Variants in SCAF4 observed in about 807,000 individuals in gnomAD.
The protein encoded by SCAF4 is SR-related CTD associated factor 4.
In SCAF4, 25 loss-of-function variants were observed where a neutral mutation model predicts 129.8. That is an observed-to-expected ratio of 0.19 (90% confidence interval 0.14 to 0.27). The LOEUF (loss-of-function observed/expected upper bound fraction) is 0.27, where lower values mean the gene tolerates loss of function less well. Among genes scored for constraint, SCAF4 ranks in the 10% least tolerant of loss-of-function variants. The probability of loss-of-function intolerance (pLI) is 1.00; values close to 1 mark genes in which losing one functional copy is unlikely to be tolerated. For missense variants in SCAF4, 1,246 were observed against 1,457.1 expected, an observed-to-expected ratio of 0.86 and a Z score of 2.36; for synonymous variants, 551 against 497.7, an observed-to-expected ratio of 1.11 and a Z score of -1.43.
rs778166797 is a variant in SCAF4, at chr21:31,688,270, G to A, written c.2043+37C>T. 1.9e-5 allele frequency: 31 copies of A among 1,592,638 alleles called. No individual in the cohort carries two copies. The Admixed American group carries it at 5.2e-4, about 27-fold the overall frequency. ...GTAAGATTTAGAAAGGGACCTTTCA[G>A]GCACTTAAAGTTTAAGTCATGTCCC... On this transcript the variant is annotated intron_variant, in intron 16 of 19. Coordinates refer to ENST00000286835, the MANE Select transcript of SCAF4 (RefSeq NM_020706.2).
intron 4 of SCAF4, among the ~76,000 whole-genome samples, chr21:31,702,827 T>C (rs2050566623): frequency 6.6e-6 from 1 of 152,182 alleles, no homozygotes; most frequent in African/African-American, 2.4e-5. Flanking sequence ...ATGTTATTCA[T>C]GGGCACAACT....
At chr21:31,697,264 A>G (rs2050410722) in intron 7 of SCAF4, among the ~76,000 whole-genome samples, 1 of 152,230 alleles carries the variant, frequency 6.6e-6, no homozygotes, top group Admixed American at 6.5e-5. Flanking sequence ...AGCAGTTCCT[A>G]AGAGGTTCGC....
In SCAF4 at chr21:31,685,674, C is replaced by T. The variant is rs1322945067; in HGVS notation, c.2103G>A (p.Thr701=). ...VVGALQPPAF[T]PPLGIPPPGF... ...CTGGAGGCGGTATTCCCAGAGGAGG[C>T]GTGAAAGCAGGCGGCTGGAGAGCAC... Residue 701 remains threonine (T), a synonymous_variant, in exon 17 of 20, where the codon ACG becomes ACA. Coordinates refer to ENST00000286835, the MANE Select transcript of SCAF4 (RefSeq NM_020706.2). The T allele has an allele frequency of 6.8e-6, 11 of 1,612,852 alleles. No individual in the cohort carries two copies. Among genetic ancestry groups the T allele is most frequent in the South Asian group, 3.3e-5 (3 of 90,926 alleles).
In SCAF4 at chr21:31,726,049, C is replaced by CT. The variant is rs899443141; in HGVS notation, c.30+5613dup. On this transcript the variant is annotated intron_variant, in intron 1 of 19. Transcript: ENST00000286835. Reference sequence around the variant, plus strand: ...TACAAAAGCTCTCTGTGGCCCTTAACTTTTTTTTTTTTTTGAGATAGAGTC... The same window carrying CT: ...TACAAAAGCTCTCTGTGGCCCTTAACTTTTTTTTTTTTTTTGAGATAGAGTC... Among the ~76,000 whole-genome samples, 633 of 142,334 alleles carry CT rather than the reference C, an allele frequency of 4.4e-3. 2 individuals are homozygous for CT. The highest frequency in any genetic ancestry group is 0.01 in the African/African-American group (396 of 39,148). 93.4% of individuals were successfully genotyped at this position (142,334 alleles called of 152,430 possible). A position where few individuals can be genotyped will look rare whatever the true frequency, so the allele number is the denominator to read the frequency against.
chr21:31,681,377 T>G (rs541493953), intron 19 of SCAF4, among the ~76,000 whole-genome samples: 1 of 152,358 alleles, frequency 6.6e-6, no homozygotes, highest in East Asian at 1.9e-4. Flanking sequence ...TTTTTGTGTA[T>G]TCTTTTTTAT....
At chr21:31,728,031 C>G (rs942781810) in intron 1 of SCAF4, among the ~76,000 whole-genome samples, 18 of 152,134 alleles carry the variant, frequency 1.2e-4, no homozygotes, top group African/African-American at 4.1e-4. Context: ...TCCTTTCCTT[C>G]TGTATCAGAG....
At chr21:31,713,016 G>T in intron 1 of SCAF4, 2 of 212,212 alleles carry the variant, frequency 9.4e-6, no homozygotes, top group Non-Finnish European at 1.6e-5. Flanking sequence ...ACTGCTCATT[G>T]CTATATCTGT....
intron 1 of SCAF4, among the ~76,000 whole-genome samples, chr21:31,726,081 T>G (rs1176785161): frequency 6.6e-6 from 1 of 151,826 alleles, no homozygotes; most frequent in African/African-American, 2.4e-5. Context: ...AGTCTCGCTC[T>G]GTCGCCCAGG....
chr21:31,717,573 T>C (rs2050948486), intron 1 of SCAF4, among the ~76,000 whole-genome samples: 1 of 152,120 alleles, frequency 6.6e-6, no homozygotes, highest in Non-Finnish European at 1.5e-5. Context: ...TAAAGAAATA[T>C]GGTTATACAG....
Position 31,731,718 on chromosome 21 carries a change from C to A in SCAF4, c.-26G>T. On this transcript the variant is annotated 5_prime_UTR_variant, in exon 1 of 20. Coordinates refer to ENST00000286835, the MANE Select transcript of SCAF4 (RefSeq NM_020706.2). Reference sequence around the variant, plus strand: ...GTTCGCGCTGCGGCGGCGGCTGCTCCGGGCCCGCCGGTCACATAGACCTCG... The same window carrying A: ...GTTCGCGCTGCGGCGGCGGCTGCTCAGGGCCCGCCGGTCACATAGACCTCG... 6.4e-7 allele frequency: 1 copy of A among 1,572,434 alleles called. No homozygotes were observed.
At chr21:31,724,661 T>A (rs2051156184) in intron 1 of SCAF4, among the ~76,000 whole-genome samples, 1 of 152,226 alleles carries the variant, frequency 6.6e-6, no homozygotes, top group Non-Finnish European at 1.5e-5. Context: ...AAATTATATT[T>A]GTTCGTGCCC....
intron 7 of SCAF4, among the ~76,000 whole-genome samples, chr21:31,700,276 AAAAT>A (rs1209275720): frequency 1.3e-5 from 2 of 151,216 alleles, no homozygotes; most frequent in Admixed American, 6.6e-5. Flanking sequence ...ATATATATTA[AAAAT>A]AAATAAACAC....
chr21:31,671,514 T>C lies in SCAF4; in HGVS notation c.3329A>G (p.Glu1110Gly), dbSNP rs1235066089. ...GACTGCAGCCTCAGACACCCCCTTC[T>C]CAAGTTCTGAAGCAGTGTCTACATT... Reference protein sequence around the residue: ...VGNVDTASELEKGVSEAAVLK... With the variant: ...VGNVDTASELGKGVSEAAVLK... Residue 1110 changes from glutamate to glycine, a missense_variant, in exon 20 of 20, where the codon GAG (glutamate) becomes GGG (glycine). Physicochemically the swap from Glu to Gly is moderately conservative, Grantham distance 98. Coordinates refer to ENST00000286835, the MANE Select transcript of SCAF4 (RefSeq NM_020706.2). 1 of 1,614,180 alleles carries C rather than the reference T, an allele frequency of 6.2e-7. No homozygotes were observed. Among genetic ancestry groups the C allele is most frequent in the Non-Finnish European group, 8.5e-7 (1 of 1,180,028 alleles).
In SCAF4 at chr21:31,672,289, C is replaced by A; in HGVS notation, c.2554G>T (p.Ala852Ser). 1.2e-6 allele frequency: 2 copies of A among 1,613,840 alleles called. No homozygotes were observed. The highest frequency in any genetic ancestry group is 1.7e-6 in the Non-Finnish European group (2 of 1,179,996). ...TGGAGTGGGATGAGACCGGGCCGGG[C>A]GCCAAGAAGACCAGTAGATGGTGCC... ...LQAPSTGLLG[A>S]RPGLIPLQRP... Residue 852 changes from alanine to serine, a missense_variant, in exon 20 of 20, where the codon GCC becomes TCC. Physicochemically the swap from Ala to Ser is moderately conservative, Grantham distance 99. Transcript: ENST00000286835.
intron 19 of SCAF4, among the ~76,000 whole-genome samples, chr21:31,678,902 C>T (rs2049930624): frequency 6.6e-6 from 1 of 152,186 alleles, no homozygotes; most frequent in Non-Finnish European, 1.5e-5. Context: ...TCCAGAAAGA[C>T]AGGTTTTGTT....
At chr21:31,714,521 T>G (rs2123648452) in intron 1 of SCAF4, among the ~76,000 whole-genome samples, 1 of 152,244 alleles carries the variant, frequency 6.6e-6, no homozygotes, top group Non-Finnish European at 1.5e-5. Context: ...TATAGAAGCC[T>G]GAGACACAAA....
chr21:31,714,970 T>G lies in SCAF4; in HGVS notation c.31-8613A>C, dbSNP rs185881674. 1.4e-3 allele frequency among the ~76,000 whole-genome samples: 209 copies of G among 152,360 alleles called. 1 individual carries two copies. Among genetic ancestry groups the G allele is most frequent in the African/African-American group, 4.7e-3 (196 of 41,590 alleles). On this transcript the variant is annotated intron_variant, in intron 1 of 19. Transcript: ENST00000286835. ...TTAATTCCCTTTAAGTATGGTATCC[T>G]CAAATGGACAGGGTCCGGACGTAGT...
intron 16 of SCAF4, among the ~76,000 whole-genome samples, chr21:31,686,753 G>C (rs565400029): frequency 6.6e-6 from 1 of 152,270 alleles, no homozygotes; most frequent in Admixed American, 6.5e-5. Flanking sequence ...ATTGTCATAG[G>C]AGCATGAACC....
Position 31,724,740 on chromosome 21 carries a change from A to C in SCAF4, c.30+6923T>G, listed in dbSNP as rs188923605. Among the ~76,000 whole-genome samples the C allele has an allele frequency of 1.0e-3, 157 of 152,330 alleles. 4 individuals are homozygous for C. The East Asian group carries it at 0.019, about 18-fold the overall frequency. On this transcript the variant is annotated intron_variant, in intron 1 of 19. Transcript: ENST00000286835. ...TGGTAAAGAAAACAAACAAAAAAAA[A>C]CTACCAATTGTGTCATCTCTCTAGT...
Sources: gnomAD v4.1 joint callset for allele counts (sites outside exome capture counted in the v4.1 genomes callset) on GRCh38, gnomAD v4.1.1 for gene constraint, MANE v1.5 for transcripts, NCBI Gene and HGNC (gene_info 2026-07-23, HGNC 2026-07-21) for gene names.